IFTAP: variants seen among roughly 807,000 people sequenced by gnomAD.
IFTAP encodes the protein intraflagellar transport-associated protein.
Under a neutral mutation model 19.4 loss-of-function variants are expected in IFTAP, and 19 were observed. The ratio of observed to expected loss-of-function variants is 0.98; its 90% CI spans 0.68 to 1.44. IFTAP has a LOEUF of 1.44. IFTAP is among the 40% of genes most tolerant of loss of function. The pLI, the probability that IFTAP is intolerant of heterozygous loss-of-function variation, is 0.00. For missense variants in IFTAP, 240 were observed against 253.6 expected (o/e 0.95, Z 0.36); for synonymous variants, 85 against 83.5 (o/e 1.02, Z -0.10).
At chr11:36,648,610 A>T (rs1197729236) in intron 5 of IFTAP, among the ~76,000 whole-genome samples, 1 of 152,180 alleles carries the variant, frequency 6.6e-6, no homozygotes, top group Admixed American at 6.5e-5. Context: ...GCCTATATAG[A>T]GCCCTTAAAA....
Position 36,617,844 on chromosome 11 carries a change from C to G in IFTAP, c.136+7605C>G, listed in dbSNP as rs552983827. ...AATTTGCCTGAGGTCAGATAGGATT[C>G]AAACTCCAGACATCTGACCCTCCTC... On this transcript the variant is annotated intron_variant, in intron 2 of 5. Coordinates refer to ENST00000334307, the MANE Select transcript of IFTAP (RefSeq NM_138787.4). Among the ~76,000 whole-genome samples, 211 of 152,068 alleles carry G rather than the reference C, an allele frequency of 1.4e-3. 2 individuals are homozygous for G. In the Middle Eastern group the frequency reaches 0.017, roughly 12 times the overall value.
intron 1 of IFTAP, among the ~76,000 whole-genome samples, chr11:36,606,441 C>CTAAATAAA (rs3084303): frequency 4.4e-4 from 67 of 151,904 alleles, no homozygotes; most frequent in Middle Eastern, 3.4e-3. Flanking sequence ...TACTCTGTCT[C>CTAAATAAA]TAAATAAATA....
chr11:36,607,942 G>C (rs1851752287), intron 1 of IFTAP, among the ~76,000 whole-genome samples: 1 of 152,124 alleles, frequency 6.6e-6, no homozygotes, highest in African/African-American at 2.4e-5. Context: ...CAAAGTGCTG[G>C]GATGTAATCC....
intron 2 of IFTAP, among the ~76,000 whole-genome samples, chr11:36,620,798 A>G (rs1478684773): frequency 6.6e-6 from 1 of 151,946 alleles, no homozygotes. Flanking sequence ...AGACATGGGA[A>G]TTAAAAATAT....
At chr11:36,618,938 C>T (rs1432834496) in intron 2 of IFTAP, among the ~76,000 whole-genome samples, 1 of 151,770 alleles carries the variant, frequency 6.6e-6, no homozygotes, top group East Asian at 1.9e-4. Context: ...GCAAAAGGGC[C>T]TAGGAGACGC....
Position 36,636,104 on chromosome 11 carries a change from C to G in IFTAP, c.345C>G (p.Pro115=). The change falls in exon 4 of 6, where the codon CCC becomes CCG. Residue 115 remains proline, a synonymous_variant. Transcript: ENST00000334307. ...EDLDMDEEIK[P]QMSEDLLLLP... ...TGGACATGGATGAAGAGATTAAACC[C>G]CAAATGAGTGAGGGTATGCTTTCTA... 1.2e-6 allele frequency: 2 copies of G among 1,607,432 alleles called. No homozygotes were observed. Among genetic ancestry groups the G allele is most frequent in the Non-Finnish European group, 1.7e-6 (2 of 1,174,170 alleles).
intron 1 of IFTAP, among the ~76,000 whole-genome samples, chr11:36,608,965 C>G (rs1851785928): frequency 1.3e-5 from 2 of 152,164 alleles, no homozygotes; most frequent in South Asian, 2.1e-4. Flanking sequence ...GTAATGTTAG[C>G]TTAATATTGA....
intron 2 of IFTAP, among the ~76,000 whole-genome samples, chr11:36,623,310 TA>T (rs1294663749): frequency 4.0e-5 from 6 of 148,838 alleles, no homozygotes; most frequent in South Asian, 2.1e-4. Flanking sequence ...GTATATATTA[TA>T]TTTTTTTATG....
chr11:36,639,201 C>T (rs1364612707), intron 4 of IFTAP, among the ~76,000 whole-genome samples: 7 of 150,962 alleles, frequency 4.6e-5, no homozygotes, highest in Admixed American at 6.6e-5. Context: ...TATGCTTCCT[C>T]GGTGGGCCCA....
intron 5 of IFTAP, among the ~76,000 whole-genome samples, chr11:36,650,544 C>CT (rs11378736): frequency 0.85 from 120,341 of 141,120 alleles, 51,887 homozygotes; most frequent in East Asian, 0.98. Context: ...ACCACTGGTT[C>CT]TTTTTTTTTT....
chr11:36,603,670 C>T (rs1255987446), intron 1 of IFTAP, among the ~76,000 whole-genome samples: 1 of 152,008 alleles, frequency 6.6e-6, no homozygotes, highest in African/African-American at 2.4e-5. Context: ...GCCTGTAATC[C>T]CAGCACTTTG....
At chr11:36,612,626 C>T (rs532051923) in intron 2 of IFTAP, among the ~76,000 whole-genome samples, 1 of 152,092 alleles carries the variant, frequency 6.6e-6, no homozygotes, top group East Asian at 1.9e-4. Context: ...CACACTGAGC[C>T]TTTTCTCTGT....
At chr11:36,624,546 T>C (rs985959623) in intron 2 of IFTAP, among the ~76,000 whole-genome samples, 1 of 152,198 alleles carries the variant, frequency 6.6e-6, no homozygotes, top group Non-Finnish European at 1.5e-5. Flanking sequence ...CCTGAATCCC[T>C]GGGTCATTTC....
chr11:36,643,228 G>T (rs1853311500), intron 4 of IFTAP, among the ~76,000 whole-genome samples: 1 of 152,154 alleles, frequency 6.6e-6, no homozygotes, highest in Non-Finnish European at 1.5e-5. Flanking sequence ...GCCAAATCAA[G>T]AGTGAACTCC....
chr11:36,613,529 A>C lies in IFTAP; in HGVS notation c.136+3290A>C, dbSNP rs761400852. 1.5e-4 allele frequency among the ~76,000 whole-genome samples: 23 copies of C among 152,190 alleles called. No individual in the cohort carries two copies. The South Asian group carries it at 1.7e-3, about 11-fold the overall frequency. ...CATAATCCAGTGGTAGAGATAAATAAGCAAGCAGGAAATTAGACTAATGCA... is the reference window on the plus strand; with the variant it reads ...CATAATCCAGTGGTAGAGATAAATACGCAAGCAGGAAATTAGACTAATGCA... On this transcript the variant is annotated intron_variant, in intron 2 of 5. Coordinates refer to ENST00000334307, the MANE Select transcript of IFTAP (RefSeq NM_138787.4).
At chr11:36,647,891 T>G (rs1327712153) in intron 4 of IFTAP, 125 bp from the exon 5 acceptor site, 2 of 1,114,048 alleles carry the variant, frequency 1.8e-6, no homozygotes, top group Middle Eastern at 3.1e-4. Flanking sequence ...GGACAGGCAT[T>G]GTGAAATGGA....
intron 5 of IFTAP, among the ~76,000 whole-genome samples, chr11:36,652,343 GCT>G (rs1324053718): frequency 6.6e-6 from 1 of 152,022 alleles, no homozygotes; most frequent in East Asian, 1.9e-4. Flanking sequence ...ACATGATTTG[GCT>G]CTCTGTTTGT....
chr11:36,655,886 T>G (rs564078336), intron 5 of IFTAP, among the ~76,000 whole-genome samples: 1 of 152,300 alleles, frequency 6.6e-6, no homozygotes, highest in Admixed American at 6.5e-5. Context: ...GCTGAAAACT[T>G]TATTCCATGT....
chr11:36,655,950 G>A (rs1218080923), intron 5 of IFTAP, among the ~76,000 whole-genome samples: 1 of 152,102 alleles, frequency 6.6e-6, no homozygotes, highest in Admixed American at 6.6e-5. Context: ...CTCCATGACA[G>A]AGAAGAATGT....
Sources: allele counts gnomAD v4.1 joint callset (sites outside exome capture counted in the v4.1 genomes callset), GRCh38; gene constraint gnomAD v4.1.1; transcripts MANE v1.5; gene names NCBI Gene and HGNC (gene_info 2026-07-23, HGNC 2026-07-21).